Variants in IQSEC3 observed in about 807,000 individuals in gnomAD.
The protein encoded by IQSEC3 is IQ motif and SEC7 domain-containing protein 3.
In IQSEC3, 50 loss-of-function variants were observed where a neutral mutation model predicts 105.4. The observed-to-expected ratio is 0.47, with a 90% CI of 0.38 to 0.60. IQSEC3 has a LOEUF of 0.60. Among genes scored for constraint, IQSEC3 ranks in the 20% least tolerant of loss-of-function variants. The pLI is 0.00. For synonymous variants in IQSEC3, 708 were observed against 746.0 expected (o/e 0.95, Z 0.83); for missense variants, 1,415 against 1,630.0 (o/e 0.87, Z 2.27).
At chr12:153,045 G>C (rs1432870428) in intron 5 of IQSEC3, among the ~76,000 whole-genome samples, 1 of 152,076 alleles carries the variant, frequency 6.6e-6, no homozygotes, top group Non-Finnish European at 1.5e-5. Context: ...AGTGCTGGTA[G>C]ACACTGCAAA....
intron 7 of IQSEC3, among the ~76,000 whole-genome samples, chr12:158,417 T>G (rs1555095200): frequency 6.6e-6 from 1 of 152,182 alleles, no homozygotes; most frequent in African/African-American, 2.4e-5. Flanking sequence ...AAGTCCAGAC[T>G]GTGAGTGTGT....
chr12:163,591 AGGTG>A lies in IQSEC3; in HGVS notation c.2682_2685del (p.Glu894AspfsTer9). On this transcript the variant is annotated frameshift_variant, in exon 9 of 14. Transcript: ENST00000538872. LOFTEE classifies it high-confidence loss of function. ...CAGAAGCAGGCAGCGCATCAGAGGG[AGGTG>A]TTCCTCTTCAATGACCTGCTGGTGG... 1 of 1,581,618 alleles carries A rather than the reference AGGTG, an allele frequency of 6.3e-7. No individual in the cohort carries two copies. The highest frequency in any genetic ancestry group is 8.7e-7 in the Non-Finnish European group (1 of 1,151,648).
At chr12:146,691 G>A (rs138513610) in intron 5 of IQSEC3, among the ~76,000 whole-genome samples, 1 of 151,532 alleles carries the variant, frequency 6.6e-6, no homozygotes, top group Non-Finnish European at 1.5e-5. Context: ...GAGAGAGAGA[G>A]GAGAGTGGGA....
intron 3 of IQSEC3, among the ~76,000 whole-genome samples, chr12:132,039 C>T (rs1416425122): frequency 2.6e-5 from 4 of 152,060 alleles, no homozygotes; most frequent in Non-Finnish European, 5.9e-5. Context: ...TGGAGAAATG[C>T]CACAAAGATT....
intron 3 of IQSEC3, among the ~76,000 whole-genome samples, chr12:126,670 G>A (rs1555083628): frequency 6.6e-6 from 1 of 152,038 alleles, no homozygotes; most frequent in African/African-American, 2.4e-5. Flanking sequence ...TTCCTCCTAT[G>A]AACTCAGTGA....
chr12:90,959 T>C (rs569117169), intron 1 of IQSEC3, among the ~76,000 whole-genome samples: 2 of 152,298 alleles, frequency 1.3e-5, no homozygotes, highest in South Asian at 4.1e-4. Flanking sequence ...GCAGTAGTGA[T>C]GGTGGTACCA....
chr12:80,182 C>G (rs1377547689), intron 1 of IQSEC3, among the ~76,000 whole-genome samples: 1 of 152,172 alleles, frequency 6.6e-6, no homozygotes, highest in Admixed American at 6.5e-5. Context: ...CTCTGGCTGA[C>G]GTGCTGCTGC....
intron 5 of IQSEC3, chr12:148,345 C>T (rs10848448): frequency 2.6e-5 from 4 of 152,074 alleles, no homozygotes; most frequent in South Asian, 4.1e-4. Flanking sequence ...AAACCCGCCA[C>T]GCAATTCCAA....
At chr12:174,526 C>T in intron 13 of IQSEC3, 73 bp from the exon 14 acceptor site, 1 of 1,366,186 alleles carries the variant, frequency 7.3e-7, no homozygotes, top group Non-Finnish European at 9.7e-7. Context: ...AGGGGAGGCA[C>T]AGGGCAGCCT....
Position 175,168 on chromosome 12 carries a change from A to T in IQSEC3, c.*135A>T. On this transcript the variant is annotated 3_prime_UTR_variant, in exon 14 of 14. Coordinates refer to ENST00000538872, the MANE Select transcript of IQSEC3 (RefSeq NM_001170738.2). ...CCATCATTTTGGGAAGAGAATCCCA[A>T]TCCCTGGCACCTGGGTTTGCCTCAT... The T allele has an allele frequency of 1.4e-6, 1 of 724,946 alleles. No individual in the cohort carries two copies. Among genetic ancestry groups the T allele is most frequent in the Non-Finnish European group, 2.2e-6 (1 of 462,586 alleles). 44.9% of individuals were successfully genotyped at this position (724,946 alleles called of 1,614,324 possible).
intron 1 of IQSEC3, among the ~76,000 whole-genome samples, chr12:79,271 C>T (rs1555070171): frequency 1.3e-5 from 2 of 152,116 alleles, no homozygotes; most frequent in East Asian, 3.9e-4. Context: ...GACCCACTGG[C>T]TTTCTCAGCC....
At chr12:81,215 T>C (rs1314215766) in intron 1 of IQSEC3, among the ~76,000 whole-genome samples, 2 of 152,022 alleles carry the variant, frequency 1.3e-5, no homozygotes, top group African/African-American at 2.4e-5. Context: ...GACCACACAG[T>C]GAAGAATTTT....
At position 82,130 on chromosome 12, in the gene IQSEC3, T is replaced by A. The variant is rs77916143; in HGVS notation, c.554+14694T>A. Among the ~76,000 whole-genome samples the A allele has an allele frequency of 4.3e-3, 656 of 152,310 alleles. 6 individuals are homozygous for A. Among genetic ancestry groups the A allele is most frequent in the African/African-American group, 0.015 (624 of 41,562 alleles). Reference sequence around the variant, plus strand: ...CAAAGCCATTGGAACTAGACATTTTTAAGACAGTCGGGGAATTTGAACGTA... The same window carrying A: ...CAAAGCCATTGGAACTAGACATTTTAAAGACAGTCGGGGAATTTGAACGTA... On this transcript the variant is annotated intron_variant, in intron 1 of 13. Coordinates refer to ENST00000538872, the MANE Select transcript of IQSEC3 (RefSeq NM_001170738.2).
In IQSEC3 at chr12:169,063, G is replaced by A. The variant is rs373829594; in HGVS notation, c.3022G>A (p.Gly1008Arg). The change falls in exon 12 of 14, where the codon GGA (glycine) becomes AGA (arginine). Residue 1008 changes from glycine (G) to arginine (R), a missense_variant. Gly to Arg is a moderately radical substitution (Grantham distance 125). Around this residue, in one of 6 missense-constraint regions of IQSEC3, gnomAD observed 419 missense variants for 436.2 expected, o/e 0.96. Coordinates refer to ENST00000538872, the MANE Select transcript of IQSEC3 (RefSeq NM_001170738.2). The stretch of plus-strand genomic sequence containing the variant: ...AAAGACACTCTCCTTCAAGCCCTGC[G>A]GAGCCCAGGGGGACCCACAGTCAAA... ...GTKTLSFKPC[G>R]AQGDPQSKQG... 5.0e-5 allele frequency: 80 copies of A among 1,613,900 alleles called. No homozygotes were observed. Among genetic ancestry groups the A allele is most frequent in the South Asian group, 6.6e-5 (6 of 91,080 alleles).
chr12:117,766 CAGG>C (rs1865096151), intron 2 of IQSEC3, among the ~76,000 whole-genome samples: 1 of 152,354 alleles, frequency 6.6e-6, no homozygotes, highest in South Asian at 2.1e-4. Context: ...GGGAGCCAGA[CAGG>C]AGAAGCATCT....
intron 1 of IQSEC3, among the ~76,000 whole-genome samples, chr12:98,301 A>G (rs1864303214): frequency 6.6e-6 from 1 of 152,192 alleles, no homozygotes; most frequent in South Asian, 2.1e-4. Context: ...GTGCCTCTCA[A>G]TCCTGGCTGC....
intron 1 of IQSEC3, among the ~76,000 whole-genome samples, chr12:86,710 G>A (rs1239023205): frequency 6.6e-6 from 1 of 152,094 alleles, no homozygotes; most frequent in Non-Finnish European, 1.5e-5. Flanking sequence ...CCTGCTCTGT[G>A]CTAGGTATTG....
At chr12:104,457 A>G (rs754303511) in intron 2 of IQSEC3, among the ~76,000 whole-genome samples, 1 of 152,146 alleles carries the variant, frequency 6.6e-6, no homozygotes, top group Non-Finnish European at 1.5e-5. Flanking sequence ...TATAAATGGG[A>G]CTTCATCATG....
chr12:163,472 T>C, intron 8 of IQSEC3, 22 bp from the exon 9 acceptor site: 1 of 1,588,510 alleles, frequency 6.3e-7, no homozygotes, highest in Non-Finnish European at 8.6e-7. Context: ...TCTCTCCCGC[T>C]GAGCGCCCTG....
Sources: allele counts gnomAD v4.1 joint callset (sites outside exome capture counted in the v4.1 genomes callset), GRCh38; gene constraint gnomAD v4.1.1; regional missense constraint gnomAD v4.1.1; transcripts MANE v1.5; gene names NCBI Gene and HGNC (gene_info 2026-07-23, HGNC 2026-07-21).